The following TMCO5A variants were observed in gnomAD, a reference collection of about 807,000 sequenced individuals.
TMCO5A encodes the protein transmembrane and coiled-coil domains 5A, also known as transmembrane and coiled-coil domain-containing protein 5A.
Under a neutral mutation model 42.3 loss-of-function variants are expected in TMCO5A, and 34 were observed. That is an observed-to-expected ratio of 0.80 (90% confidence interval 0.61 to 1.07). TMCO5A has a LOEUF of 1.07. Ranked by LOEUF, TMCO5A falls within the 50% of genes least tolerant of loss-of-function variation. TMCO5A has a pLI of 0.00. For missense variants in TMCO5A, 357 were observed against 327.9 expected, an observed-to-expected ratio of 1.09 and a Z score of -0.69; for synonymous variants, 131 against 115.6, an observed-to-expected ratio of 1.13 and a Z score of -0.86.
intron 11 of TMCO5A, among the ~76,000 whole-genome samples, chr15:37,949,861 C>T (rs541659450): frequency 4.6e-5 from 7 of 152,256 alleles, no homozygotes; most frequent in African/African-American, 1.4e-4. Flanking sequence ...TAGCTAGTAT[C>T]TGTCAGGAAG....
chr15:37,972,667 G>C (rs771891227), downstream of TMCO5A, among the ~76,000 whole-genome samples: 4 of 152,030 alleles, frequency 2.6e-5, no homozygotes, highest in South Asian at 2.1e-4. Flanking sequence ...GTTCCTTATA[G>C]ATTCTGGATA....
chr15:38,008,393 G>A, the TMCO5A span, among the ~76,000 whole-genome samples: 29 of 152,238 alleles, frequency 1.9e-4, no homozygotes, highest in African/African-American at 6.5e-4. Flanking sequence ...GGATGATAGA[G>A]GGAAGGGGGA....
At chr15:37,935,572 G>C (rs1484383571) in intron 2 of TMCO5A, among the ~76,000 whole-genome samples, 1 of 151,920 alleles carries the variant, frequency 6.6e-6, no homozygotes, top group African/African-American at 2.4e-5. Flanking sequence ...TGCTAATAGT[G>C]GTTAATCAAC....
chr15:37,984,974 G>A, the TMCO5A span: 1 of 151,554 alleles, frequency 6.6e-6, no homozygotes, highest in Non-Finnish European at 1.5e-5. Context: ...ATGCTGGATT[G>A]GAGATAAACA....
intron 11 of TMCO5A, among the ~76,000 whole-genome samples, chr15:37,966,234 T>C (rs1358037435): frequency 6.6e-6 from 1 of 151,612 alleles, no homozygotes; most frequent in Non-Finnish European, 1.5e-5. Context: ...AGTAGAATAA[T>C]GGTTACCAGA....
At chr15:37,980,993 A>C in the TMCO5A span, among the ~76,000 whole-genome samples, 1 of 152,200 alleles carries the variant, frequency 6.6e-6, no homozygotes, top group African/African-American at 2.4e-5. Context: ...GCTGTAGCTA[A>C]GCAGAATAAT....
the TMCO5A span, among the ~76,000 whole-genome samples, chr15:38,021,867 C>T: frequency 6.7e-6 from 1 of 148,356 alleles, no homozygotes. Flanking sequence ...TGGAGTGCAG[C>T]GGCCCGATCT....
chr15:37,941,873 C>T, intron 8 of TMCO5A, 143 bp downstream of exon 8: 1 of 695,086 alleles, frequency 1.4e-6, no homozygotes, highest in Non-Finnish European at 2.5e-6. Context: ...CATCAGCACC[C>T]CACCTCACTA....
chr15:38,018,047 A>G, the TMCO5A span, among the ~76,000 whole-genome samples: 2 of 152,164 alleles, frequency 1.3e-5, no homozygotes, highest in African/African-American at 4.8e-5. Context: ...ATGCAGAACT[A>G]TAAGTCAAAC....
the TMCO5A span, among the ~76,000 whole-genome samples, chr15:38,004,484 C>T: frequency 1.8e-4 from 27 of 152,086 alleles, no homozygotes; most frequent in African/African-American, 6.5e-4. Context: ...GCTTAGACTG[C>T]CTTTCAAGTT....
At chr15:38,027,390 T>C in the TMCO5A span, among the ~76,000 whole-genome samples, 1 of 152,140 alleles carries the variant, frequency 6.6e-6, no homozygotes, top group African/African-American at 2.4e-5. Flanking sequence ...CTGTAACCCC[T>C]TTGTTTAGGC....
At chr15:38,029,567 C>T in the TMCO5A span, among the ~76,000 whole-genome samples, 3 of 152,124 alleles carry the variant, frequency 2.0e-5, no homozygotes, top group Non-Finnish European at 4.4e-5. Flanking sequence ...TCAAGCAATT[C>T]TCCCACTTCA....
the TMCO5A span, among the ~76,000 whole-genome samples, chr15:37,998,403 T>C: frequency 6.6e-6 from 1 of 152,192 alleles, no homozygotes; most frequent in Non-Finnish European, 1.5e-5. Context: ...GATCTAGTTT[T>C]ATTCTTCTGA....
At chr15:37,948,659 AAAT>A (rs141605812) in intron 11 of TMCO5A, among the ~76,000 whole-genome samples, 2,489 of 152,184 alleles carry the variant, frequency 0.016, 76 homozygotes, top group African/African-American at 0.057. Context: ...ATCCTGAAGG[AAAT>A]CTTAGAAAAG....
At chr15:38,036,078 A>G in the TMCO5A span, among the ~76,000 whole-genome samples, 4 of 152,036 alleles carry the variant, frequency 2.6e-5, no homozygotes, top group Non-Finnish European at 5.9e-5. Context: ...CCCCTCCATC[A>G]CCCAGTCACA....
the TMCO5A span, among the ~76,000 whole-genome samples, chr15:38,004,486 T>C: frequency 3.2e-4 from 48 of 152,234 alleles, 1 homozygote; most frequent in African/African-American, 1.1e-3. Context: ...TTAGACTGCC[T>C]TTCAAGTTTA....
At chr15:37,976,143 G>T in the TMCO5A span, among the ~76,000 whole-genome samples, 1 of 151,882 alleles carries the variant, frequency 6.6e-6, no homozygotes, top group Non-Finnish European at 1.5e-5. Context: ...TACTCGGGAG[G>T]CTGAGGCAGG....
At chr15:37,959,518 C>G (rs1352615577) in intron 11 of TMCO5A, among the ~76,000 whole-genome samples, 2 of 151,928 alleles carry the variant, frequency 1.3e-5, no homozygotes, top group Non-Finnish European at 2.9e-5. Context: ...ACCTGGGATG[C>G]AGGGATAGTT....
the TMCO5A span, among the ~76,000 whole-genome samples, chr15:38,033,426 G>A: frequency 1.3e-5 from 2 of 152,086 alleles, no homozygotes; most frequent in African/African-American, 4.8e-5. Flanking sequence ...TTTATCTCAT[G>A]TTACAGTTAA....
Sources: gnomAD v4.1 joint callset for allele counts (sites outside exome capture counted in the v4.1 genomes callset) on GRCh38, gnomAD v4.1.1 for gene constraint, MANE v1.5 for transcripts, NCBI Gene and HGNC (gene_info 2026-07-23, HGNC 2026-07-21) for gene names.